Variants in STPG2 observed in about 807,000 individuals in gnomAD.
The protein encoded by STPG2 is sperm tail PG-rich repeat containing 2, also known as sperm-tail PG-rich repeat-containing protein 2.
A neutral mutation model predicts 54.2 loss-of-function variants in STPG2; 56 were observed. The ratio of observed to expected loss-of-function variants is 1.03; its 90% CI spans 0.83 to 1.29. The LOEUF is 1.29. Among genes scored for constraint, STPG2 ranks in the 50% most tolerant of loss-of-function variants. The pLI is 0.00. For synonymous variants in STPG2, 200 were observed against 181.8 expected (o/e 1.10, Z -0.81); for missense variants, 596 against 544.9 (o/e 1.09, Z -0.93).
intron 10 of STPG2, among the ~76,000 whole-genome samples, chr4:97,656,757 T>C (rs1052074121): frequency 6.6e-6 from 1 of 151,458 alleles, no homozygotes; most frequent in African/African-American, 2.4e-5. Context: ...TGGAAATATT[T>C]AATGAGATTT....
chr4:97,991,822 A>ATTGTGAT (rs1272154835), intron 5 of STPG2, among the ~76,000 whole-genome samples: 2 of 152,036 alleles, frequency 1.3e-5, no homozygotes, highest in Non-Finnish European at 2.9e-5. Flanking sequence ...GTGGTGTCAC[A>ATTGTGAT]TTGTGATTTT....
At chr4:97,459,099 G>A (rs545146506) in intron 4 of STPG2, among the ~76,000 whole-genome samples, 14 of 151,780 alleles carry the variant, frequency 9.2e-5, no homozygotes, top group Non-Finnish European at 1.8e-4. Flanking sequence ...AGATTCAAAC[G>A]GTTACACAAT....
chr4:97,745,715 A>AT (rs1725403694), intron 9 of STPG2, among the ~76,000 whole-genome samples: 1 of 151,192 alleles, frequency 6.6e-6, no homozygotes, highest in African/African-American at 2.4e-5. Context: ...ATAGGACTAT[A>AT]TTTTTCAATG....
chr4:97,670,123 AT>A (rs1048539629), intron 10 of STPG2, among the ~76,000 whole-genome samples: 125 of 152,272 alleles, frequency 8.2e-4, no homozygotes, highest in African/African-American at 2.9e-3. Flanking sequence ...TGTTGATAAC[AT>A]TTTTTGATGA....
chr4:97,573,951 T>C (rs939143974), intron 10 of STPG2, among the ~76,000 whole-genome samples: 3 of 152,046 alleles, frequency 2.0e-5, no homozygotes, highest in Non-Finnish European at 2.9e-5. Flanking sequence ...AGGCTTTTCC[T>C]GGGCCTTGAA....
intron 5 of STPG2, among the ~76,000 whole-genome samples, chr4:98,021,737 C>T (rs11933342): frequency 0.39 from 58,360 of 150,080 alleles, 11,398 homozygotes; most frequent in African/African-American, 0.44. Flanking sequence ...ATAGTTAGCT[C>T]TTCTTGTTGA....
At chr4:97,770,409 T>C (rs577496319) in intron 9 of STPG2, among the ~76,000 whole-genome samples, 1 of 152,174 alleles carries the variant, frequency 6.6e-6, no homozygotes, top group Admixed American at 6.5e-5. Context: ...TGAAGCTCAT[T>C]TGGCAAGCAC....
chr4:97,960,636 A>C (rs988597570), intron 7 of STPG2, among the ~76,000 whole-genome samples: 1 of 152,138 alleles, frequency 6.6e-6, no homozygotes, highest in African/African-American at 2.4e-5. Context: ...AATATACCTA[A>C]CCAAGGAGGT....
chr4:97,486,726 T>C lies in STPG2; in HGVS notation c.462+225973A>G, dbSNP rs1429587845. ...AAAGATACTTGCACATGCATGTTTA[T>C]AGCAGCACAATTCGCAATTGCAAAA... On this transcript the variant is annotated intron_variant, in intron 4 of 4. Coordinates refer to the STPG2 transcript ENST00000522676. Among the ~76,000 whole-genome samples the C allele has an allele frequency of 1.4e-4, 21 of 151,282 alleles. 1 individual carries two copies. In the South Asian group the frequency reaches 4.2e-3, roughly 30 times the overall value.
At chr4:98,131,856 T>C (rs28417577) in intron 2 of STPG2, among the ~76,000 whole-genome samples, 60,080 of 151,794 alleles carry the variant, frequency 0.4, 12,142 homozygotes, top group Middle Eastern at 0.46. Flanking sequence ...GGATCCAGAT[T>C]CCAACTCTAT....
At chr4:97,777,486 A>G (rs1394228660) in intron 9 of STPG2, among the ~76,000 whole-genome samples, 1 of 152,250 alleles carries the variant, frequency 6.6e-6, no homozygotes, top group Non-Finnish European at 1.5e-5. Flanking sequence ...TGCTATAAGA[A>G]AAGCAATGCA....
chr4:97,901,603 A>AAT (rs1352820253), intron 8 of STPG2, among the ~76,000 whole-genome samples: 31 of 151,992 alleles, frequency 2.0e-4, no homozygotes, highest in Admixed American at 1.1e-3. Flanking sequence ...GTTATTTAGG[A>AAT]ATAAATTTAA....
intron 9 of STPG2, among the ~76,000 whole-genome samples, chr4:97,790,180 C>T (rs892478045): frequency 5.3e-5 from 8 of 151,700 alleles, no homozygotes; most frequent in Non-Finnish European, 1.0e-4. Flanking sequence ...TCTGGAACAA[C>T]GGCACATCTG....
rs78290514 is a variant in STPG2, at chr4:97,949,282, C to A, written c.934-5275G>T. 1.8e-3 allele frequency among the ~76,000 whole-genome samples: 270 copies of A among 152,146 alleles called. 3 individuals carry two copies. The highest frequency in any genetic ancestry group is 0.016 in the Admixed American group (248 of 15,258). Reference sequence around the variant, plus strand: ...CATTTGCATGGATTAACTTTTACCACCCTTTTACCTTGAGTTTATATAAAT... The same window carrying A: ...CATTTGCATGGATTAACTTTTACCAACCTTTTACCTTGAGTTTATATAAAT... On this transcript the variant is annotated intron_variant, in intron 7 of 10. Transcript: ENST00000295268.
chr4:98,035,133 A>G (rs1436822199), intron 5 of STPG2, among the ~76,000 whole-genome samples: 1 of 152,232 alleles, frequency 6.6e-6, no homozygotes, highest in Non-Finnish European at 1.5e-5. Flanking sequence ...CTGCACAGAA[A>G]AAGAAACGAT....
chr4:97,871,594 TC>T (rs1406684191), intron 8 of STPG2, among the ~76,000 whole-genome samples: 1 of 151,162 alleles, frequency 6.6e-6, no homozygotes, highest in Non-Finnish European at 1.5e-5. Context: ...TTTACTAACA[TC>T]AGTTTTGTTA....
chr4:97,470,047 GA>G (rs1489248868), intron 4 of STPG2, among the ~76,000 whole-genome samples: 6 of 152,186 alleles, frequency 3.9e-5, no homozygotes, highest in Admixed American at 3.3e-4. Context: ...GAATCCTATT[GA>G]AACCACTGCA....
chr4:97,528,976 C>G (rs573033366), intron 4 of STPG2, among the ~76,000 whole-genome samples: 14 of 152,262 alleles, frequency 9.2e-5, no homozygotes, highest in African/African-American at 3.4e-4. Flanking sequence ...CCCTTTATTT[C>G]TTTCTCTTGC....
At chr4:97,946,954 T>C (rs1173505697) in intron 7 of STPG2, among the ~76,000 whole-genome samples, 1 of 152,170 alleles carries the variant, frequency 6.6e-6, no homozygotes, top group Admixed American at 6.5e-5. Context: ...TTGATAGGAA[T>C]TGCATTGAAT....
Sources: allele counts gnomAD v4.1 joint callset (sites outside exome capture counted in the v4.1 genomes callset), GRCh38; gene constraint gnomAD v4.1.1; transcripts MANE v1.5; gene names NCBI Gene and HGNC (gene_info 2026-07-23, HGNC 2026-07-21).